GLIS1: variants seen among roughly 807,000 people sequenced by gnomAD.
GLIS1 encodes GLIS family zinc finger 1, also known as zinc finger protein GLIS1.
Under a neutral mutation model 63.8 loss-of-function variants are expected in GLIS1, and 24 were observed. That is an observed-to-expected ratio of 0.38 (90% CI 0.27 to 0.53). The LOEUF (loss-of-function observed/expected upper bound fraction) is 0.53. Among genes scored for constraint, GLIS1 ranks in the 20% least tolerant of loss-of-function variants. The probability of loss-of-function intolerance (pLI) is 0.85; values close to 1 mark genes in which losing one functional copy is unlikely to be tolerated. For synonymous variants in GLIS1, 450 were observed against 482.5 expected, an observed-to-expected ratio of 0.93 and a Z score of 0.88; for missense variants, 1,036 against 1,074.1, an observed-to-expected ratio of 0.96 and a Z score of 0.50.
At chr1:53,614,600 C>G (rs1258525399) in intron 2 of GLIS1, among the ~76,000 whole-genome samples, 1 of 152,170 alleles carries the variant, frequency 6.6e-6, no homozygotes, top group South Asian at 2.1e-4. Context: ...GGGAAACGCT[C>G]TCTGAGTTTT....
chr1:53,559,451 C>T (rs1237169588), intron 4 of GLIS1, among the ~76,000 whole-genome samples: 3 of 152,316 alleles, frequency 2.0e-5, no homozygotes, highest in Non-Finnish European at 4.4e-5. Flanking sequence ...GTCAGTCCCT[C>T]AGCCCTCGTG....
At chr1:53,628,518 G>A (rs545927623) in intron 2 of GLIS1, among the ~76,000 whole-genome samples, 3 of 152,224 alleles carry the variant, frequency 2.0e-5, no homozygotes, top group African/African-American at 7.2e-5. Context: ...GCTTACACCT[G>A]AGTACCAGTC....
intron 6 of GLIS1, among the ~76,000 whole-genome samples, chr1:53,521,079 C>G (rs1644403648): frequency 6.6e-6 from 1 of 152,184 alleles, no homozygotes; most frequent in Non-Finnish European, 1.5e-5. Flanking sequence ...GAGAAGGGGT[C>G]AAGCGGGAGC....
At chr1:53,593,151 G>A (rs1310539889) in intron 4 of GLIS1, among the ~76,000 whole-genome samples, 2 of 152,258 alleles carry the variant, frequency 1.3e-5, no homozygotes, top group Non-Finnish European at 2.9e-5. Context: ...CACCAGCCAT[G>A]CTGCTGTCCT....
chr1:53,646,024 T>C lies in GLIS1; in HGVS notation c.260-45746A>G, dbSNP rs1416848632. 6.6e-6 allele frequency among the ~76,000 whole-genome samples: 1 copy of C among 152,122 alleles called. No individual in the cohort carries two copies. The highest frequency in any genetic ancestry group is 1.5e-5 in the Non-Finnish European group (1 of 68,034). On this transcript the variant is annotated intron_variant, in intron 2 of 10. Coordinates refer to ENST00000628545, the MANE Select transcript of GLIS1 (RefSeq NM_001367484.1). The surrounding 1 kb of genome is among the most constrained non-coding windows in gnomAD (Gnocchi z 4.2). ...GATGAATATTACAAAGAAGTGAAAA[T>C]GAATGAACTAGAGACACCTGCAACA...
At chr1:53,647,855 C>T (rs1050774139) in intron 2 of GLIS1, among the ~76,000 whole-genome samples, 3 of 151,880 alleles carry the variant, frequency 2.0e-5, no homozygotes, top group African/African-American at 4.8e-5. Flanking sequence ...ATCTTCTACA[C>T]GAAAAAAGGC....
chr1:53,635,956 T>C (rs1645718285), intron 2 of GLIS1, among the ~76,000 whole-genome samples: 1 of 152,216 alleles, frequency 6.6e-6, no homozygotes, highest in African/African-American at 2.4e-5. Context: ...TGGTTTTAAA[T>C]CTTCCCATAA....
chr1:53,650,520 G>T (rs142892577), intron 2 of GLIS1, among the ~76,000 whole-genome samples: 1 of 149,628 alleles, frequency 6.7e-6, no homozygotes, highest in African/African-American at 2.5e-5. Flanking sequence ...AACCTGGGAG[G>T]ATGAGGTTGC....
At chr1:53,641,749 G>A (rs770085206) in intron 2 of GLIS1, among the ~76,000 whole-genome samples, 7 of 152,176 alleles carry the variant, frequency 4.6e-5, no homozygotes, top group African/African-American at 9.6e-5. Context: ...TTCTTAACAC[G>A]CCTTCCTGAC....
intron 2 of GLIS1, among the ~76,000 whole-genome samples, chr1:53,633,176 T>C (rs560860371): frequency 9.2e-4 from 133 of 144,884 alleles, no homozygotes; most frequent in African/African-American, 3.4e-3. Context: ...CCGAGGGGCA[T>C]GTGAATGTGA....
intron 2 of GLIS1, among the ~76,000 whole-genome samples, chr1:53,636,760 C>T (rs1204355950): frequency 6.6e-6 from 1 of 152,244 alleles, no homozygotes; most frequent in African/African-American, 2.4e-5. Flanking sequence ...CTCGGCGACG[C>T]CTACTGGGCC....
chr1:53,534,016 C>T (rs1644557830), intron 4 of GLIS1, among the ~76,000 whole-genome samples: 1 of 152,048 alleles, frequency 6.6e-6, no homozygotes, highest in Admixed American at 6.5e-5. Flanking sequence ...GGTGTAGACC[C>T]AGCCCAGGGG....
intron 6 of GLIS1, among the ~76,000 whole-genome samples, chr1:53,524,274 T>C (rs2100307290): frequency 1.3e-5 from 2 of 152,256 alleles, no homozygotes; most frequent in African/African-American, 4.8e-5. Flanking sequence ...CTGACGCCAC[T>C]TCCTCCACAG....
chr1:53,673,193 C>G (rs1241730875), intron 2 of GLIS1, among the ~76,000 whole-genome samples: 3 of 152,216 alleles, frequency 2.0e-5, no homozygotes, highest in African/African-American at 7.2e-5. Context: ...TCTTTAACCT[C>G]TTGTCCACAC....
At chr1:53,629,637 T>A (rs1209159268) in intron 2 of GLIS1, among the ~76,000 whole-genome samples, 1 of 152,256 alleles carries the variant, frequency 6.6e-6, no homozygotes, top group Non-Finnish European at 1.5e-5. Flanking sequence ...CTGTCCCCTC[T>A]GCCCATGGGC....
Position 53,516,640 on chromosome 1 carries a change from C to T in GLIS1, c.1727-1859G>A, listed in dbSNP as rs562732261. Among the ~76,000 whole-genome samples, 11 of 152,160 alleles carry T rather than the reference C, an allele frequency of 7.2e-5. No homozygotes were observed. In the East Asian group the frequency reaches 2.1e-3, roughly 29 times the overall value. ...CCAGCCTGGCCAACATGGCGAAACC[C>T]TGTCTCTACCAAAAATACAAAAATT... On this transcript the variant is annotated intron_variant, in intron 7 of 10. Transcript: ENST00000628545.
intron 4 of GLIS1, among the ~76,000 whole-genome samples, chr1:53,557,185 T>G (rs974682512): frequency 6.6e-6 from 1 of 152,110 alleles, no homozygotes; most frequent in African/African-American, 2.4e-5. Context: ...CCCACAGCCA[T>G]GGCTGGGACT....
At chr1:53,718,887 C>T (rs1165329456) in intron 2 of GLIS1, among the ~76,000 whole-genome samples, 1 of 152,236 alleles carries the variant, frequency 6.6e-6, no homozygotes, top group East Asian at 1.9e-4. Flanking sequence ...TCTCCCCTCC[C>T]CTCAGGCCTG....
At chr1:53,683,541 C>T (rs993420927) in intron 2 of GLIS1, among the ~76,000 whole-genome samples, 7 of 152,182 alleles carry the variant, frequency 4.6e-5, no homozygotes, top group East Asian at 1.9e-4. Context: ...AGAGTTCTCA[C>T]GTGGATCACA....
Sources: allele counts gnomAD v4.1 joint callset (sites outside exome capture counted in the v4.1 genomes callset), GRCh38; gene constraint gnomAD v4.1.1; non-coding constraint Gnocchi (gnomAD v3.1); transcripts MANE v1.5; gene names NCBI Gene and HGNC (gene_info 2026-07-23, HGNC 2026-07-21).